CCDC30: variants seen among roughly 807,000 people sequenced by gnomAD.
CCDC30 encodes the protein coiled-coil domain-containing protein 30.
In CCDC30, 70 loss-of-function variants were observed where a neutral mutation model predicts 100.2. The ratio of observed to expected loss-of-function variants is 0.70; its 90% confidence interval spans 0.58 to 0.85. The LOEUF is 0.85. Ranked by LOEUF, CCDC30 falls within the 40% of genes least tolerant of loss-of-function variation. CCDC30 has a pLI of 0.00. For synonymous variants in CCDC30, 233 were observed against 269.5 expected (o/e 0.86, Z 1.33); for missense variants, 652 against 771.2 (o/e 0.85, Z 1.83).
rs191046101 is a variant in CCDC30 at position 42,563,355 on chromosome 1, C to T, written c.457-2941C>T. On this transcript the variant is annotated intron_variant, in intron 6 of 16. Transcript: ENST00000668663. ...CATCCTCAGCAAACTAACACAGGAA[C>T]GGAAAACCAAACACTACATGTTCTC... Among the ~76,000 whole-genome samples, 84 of 152,098 alleles carry T rather than the reference C, an allele frequency of 5.5e-4. No individual in the cohort carries two copies. In the East Asian group the frequency reaches 9.3e-3, roughly 17 times the overall value.
At chr1:42,580,800 G>T (rs1377459630) in intron 8 of CCDC30, 4 of 455,902 alleles carry the variant, frequency 8.8e-6, no homozygotes, top group Admixed American at 7.1e-5. Flanking sequence ...ATAGGTGCTT[G>T]GTTTATAAGA....
At chr1:42,606,847 A>G (rs556818086) in intron 10 of CCDC30, among the ~76,000 whole-genome samples, 8 of 152,342 alleles carry the variant, frequency 5.3e-5, no homozygotes, top group Non-Finnish European at 1.2e-4. Flanking sequence ...GTTTCTCAAC[A>G]TTTCAAGATA....
At chr1:42,481,946 C>T (rs888567205) in intron 2 of CCDC30, among the ~76,000 whole-genome samples, 12 of 152,070 alleles carry the variant, frequency 7.9e-5, no homozygotes, top group Admixed American at 2.0e-4. Flanking sequence ...AAGCTGGGTG[C>T]GGTGGCTTAT....
Position 42,546,397 on chromosome 1 carries a change from AAAATATATATATATATATATATAT to A in CCDC30, c.457-19897_457-19874del, listed in dbSNP as rs1184739469. Among the ~76,000 whole-genome samples the A allele has an allele frequency of 1.9e-3, 8 of 4,286 alleles. 1 individual carries two copies. Among genetic ancestry groups the A allele is most frequent in the African/African-American group, 3.8e-3 (8 of 2,112 alleles). The allele number at this position is 4,286 out of a possible 152,430, so 2.8% of individuals were successfully genotyped here. On this transcript the variant is annotated intron_variant, in intron 6 of 16. Transcript: ENST00000668663. ...TGAAATTCTGTCTCAAAAAAAAAAA[AAAATATATATATATATATATATAT>A]ATATATATATATATATATATAGTAT...
At chr1:42,589,628 G>A (rs1646145096) in intron 10 of CCDC30, 145 bp downstream of exon 14, 1 of 671,124 alleles carries the variant, frequency 1.5e-6, no homozygotes, top group African/African-American at 1.8e-5. Flanking sequence ...GGTATTTCAA[G>A]CAAGAAGAGA....
intron 15 of CCDC30, among the ~76,000 whole-genome samples, chr1:42,649,032 A>G (rs1648120241): frequency 6.6e-6 from 1 of 152,212 alleles, no homozygotes; most frequent in African/African-American, 2.4e-5. Context: ...CGAATAATGA[A>G]TCATATGATC....
intron 11 of CCDC30, among the ~76,000 whole-genome samples, chr1:42,614,082 C>CTTT (rs140335668): frequency 2.2e-5 from 3 of 137,694 alleles, no homozygotes; most frequent in Non-Finnish European, 3.1e-5. Context: ...CCCCAATATT[C>CTTT]TTTTTTTTTT....
rs115920506 is a variant in CCDC30, at chr1:42,653,758, C to A, written c.1923-60C>A. ...TCTATCAATGCCTGTATCCCTGTAA[C>A]CCCGAACTGCTACCAACAAACTCTA... On this transcript the variant is annotated intron_variant, in intron 16 of 16. Transcript: ENST00000668663. The A allele has an allele frequency of 9.2e-4, 1,200 of 1,304,676 alleles. 4 individuals are homozygous for A. The African/African-American group carries it at 0.015, about 16-fold the overall frequency. 80.8% of individuals were successfully genotyped at this position (1,304,676 alleles called of 1,614,324 possible).
At chr1:42,633,814 A>G (rs1647088453) in intron 11 of CCDC30, among the ~76,000 whole-genome samples, 1 of 152,212 alleles carries the variant, frequency 6.6e-6, no homozygotes, top group Non-Finnish European at 1.5e-5. Flanking sequence ...TAATGAAGAC[A>G]TACCCAAGAC....
chr1:42,615,853 ATTATTT>A lies in CCDC30; in HGVS notation c.1277+4767_1277+4772del, dbSNP rs574079101. 3.7e-4 allele frequency among the ~76,000 whole-genome samples: 56 copies of A among 151,348 alleles called. No homozygotes were observed. In the East Asian group the frequency reaches 0.011, roughly 29 times the overall value. On this transcript the variant is annotated intron_variant, in intron 11 of 16. Coordinates refer to ENST00000668663, the Ensembl canonical transcript of CCDC30. ...TGACTTCTTTTGTTCAACATATTCT[ATTATTT>A]TTAAGTGCACTTATAGACAGAAATT...
At chr1:42,524,105 C>CT (rs199539747) in intron 6 of CCDC30, among the ~76,000 whole-genome samples, 20,343 of 141,364 alleles carry the variant, frequency 0.14, 1,504 homozygotes, top group East Asian at 0.19. Flanking sequence ...GTTTTGTTTT[C>CT]TTTTTTTTTT....
chr1:42,537,383 C>A (rs1557834411), intron 6 of CCDC30: 2 of 379,310 alleles, frequency 5.3e-6, no homozygotes, highest in Non-Finnish European at 1.0e-5. Context: ...TCCTAATGAC[C>A]TACAGGAATT....
At chr1:42,542,013 C>G (rs1645021164) in intron 6 of CCDC30, among the ~76,000 whole-genome samples, 1 of 152,220 alleles carries the variant, frequency 6.6e-6, no homozygotes, top group Non-Finnish European at 1.5e-5. Flanking sequence ...AGCCTATGCT[C>G]TTTCTACCCT....
intron 6 of CCDC30, among the ~76,000 whole-genome samples, chr1:42,534,368 C>T (rs1644858376): frequency 1.3e-5 from 2 of 152,110 alleles, no homozygotes; most frequent in African/African-American, 4.8e-5. Context: ...AAAATATTCA[C>T]CAGTGCAGAT....
chr1:42,538,801 T>C (rs1439297457), intron 6 of CCDC30, among the ~76,000 whole-genome samples: 2 of 152,208 alleles, frequency 1.3e-5, no homozygotes, highest in African/African-American at 2.4e-5. Flanking sequence ...CTTTGTTCTA[T>C]AAATGGTACT....
At chr1:42,482,816 G>T (rs1323646089) in exon 3 of CCDC30, 1 of 1,233,536 alleles carries the variant, frequency 8.1e-7, no homozygotes, top group Non-Finnish European at 1.0e-6. Context: ...ATGTAAATTA[G>T]GTAAGCTGTG....
intron 6 of CCDC30, chr1:42,556,384 T>A (rs1645370298): frequency 6.2e-7 from 1 of 1,612,224 alleles, no homozygotes; most frequent in African/African-American, 1.3e-5. Flanking sequence ...CTGGGGATAG[T>A]TCAGATGACA....
intron 6 of CCDC30, chr1:42,536,523 G>C (rs1013015059): frequency 2.5e-6 from 4 of 1,612,904 alleles, no homozygotes; most frequent in Admixed American, 1.7e-5. Flanking sequence ...AAAGTGAGTG[G>C]TCAAAAGAGA....
intron 10 of CCDC30, among the ~76,000 whole-genome samples, chr1:42,603,457 A>C (rs925956041): frequency 3.9e-5 from 6 of 152,212 alleles, no homozygotes; most frequent in Non-Finnish European, 5.9e-5. Context: ...AAATGCGTAA[A>C]AAGGATTTGA....
Sources: allele counts gnomAD v4.1 joint callset (sites outside exome capture counted in the v4.1 genomes callset), GRCh38; gene constraint gnomAD v4.1.1; transcripts MANE v1.5; gene names NCBI Gene and HGNC (gene_info 2026-07-23, HGNC 2026-07-21).